ARSF: variants seen among roughly 807,000 people sequenced by gnomAD.
ARSF encodes arylsulfatase F.
ARSF carries 33 observed loss-of-function variants against 35.4 expected under a neutral mutation model. The ratio of observed to expected loss-of-function variants is 0.93; its 90% CI spans 0.71 to 1.25. The LOEUF (loss-of-function observed/expected upper bound fraction) is 1.25, where lower values mean the gene tolerates loss of function less well. Ranked by LOEUF, ARSF falls within the 50% of genes most tolerant of loss-of-function variation. ARSF has a pLI of 0.00. For missense variants in ARSF, 501 were observed against 480.2 expected (o/e 1.04, Z -0.40); for synonymous variants, 222 against 193.1 (o/e 1.15, Z -1.24).
At chrX:3,062,327 C>T (rs1209604410) in intron 1 of ARSF, among the ~76,000 whole-genome samples, 1 of 111,973 alleles carries the variant, frequency 8.9e-6, no homozygotes, top group African/African-American at 3.2e-5. Context: ...ATTTATAGCA[C>T]TAAATGCCCA....
chrX:3,082,250 T>A (rs1200017960), intron 5 of ARSF, among the ~76,000 whole-genome samples: 3 of 111,689 alleles, frequency 2.7e-5, no homozygotes, highest in Non-Finnish European at 5.7e-5. Context: ...CCCCTAGGAT[T>A]TGCAGTCAGC....
At chrX:3,076,451 G>C (rs1442695310) in intron 3 of ARSF, 97 bp from the exon 4 acceptor site, 1 of 1,001,658 alleles carries the variant, frequency 1.0e-6, no homozygotes, top group Non-Finnish European at 1.3e-6. Context: ...GTGCCTTTCT[G>C]TTTGTCCTTC....
intron 10 of ARSF, 115 bp from the exon 11 acceptor site, chrX:3,112,059 C>G (rs1354949711): frequency 2.1e-5 from 12 of 561,525 alleles, no homozygotes; most frequent in Non-Finnish European, 3.1e-5. Context: ...AGGCCACGAA[C>G]AGGTACCAGT....
Position 3,089,635 on chromosome X carries a change from A to G in ARSF, c.967+3A>G, listed in dbSNP as rs1196221062. 8.3e-7 allele frequency: 1 copy of G among 1,210,290 alleles called. No individual in the cohort carries two copies. Reference sequence around the variant, plus strand: ...GGAAGAGATGGACTCCATGGTGGGTAAGTCACAGGACTTAAGTGGACAGAA... The same window carrying G: ...GGAAGAGATGGACTCCATGGTGGGTGAGTCACAGGACTTAAGTGGACAGAA... On this transcript the variant is annotated splice_donor_region_variant and intron_variant, in intron 7 of 10. Transcript: ENST00000381127.
intron 2 of ARSF, among the ~76,000 whole-genome samples, chrX:3,071,594 A>G (rs1475218779): frequency 4.5e-5 from 5 of 110,542 alleles, no homozygotes; most frequent in Non-Finnish European, 9.5e-5. Context: ...GTGAGCCACC[A>G]CACCCGGCCG....
At chrX:3,093,063 G>T (rs930346024) in intron 7 of ARSF, among the ~76,000 whole-genome samples, 1 of 110,421 alleles carries the variant, frequency 9.1e-6, no homozygotes, top group East Asian at 2.8e-4. Flanking sequence ...CTACTCGGGA[G>T]GCTGAGGCAG....
chrX:3,098,341 A>G (rs1366798293), intron 7 of ARSF, among the ~76,000 whole-genome samples: 1 of 104,890 alleles, frequency 9.5e-6, no homozygotes, highest in African/African-American at 3.5e-5. Context: ...CCGTTCATAC[A>G]ATATCAACCC....
rs762538675 is a variant in ARSF, at chrX:3,098,820, T to C, written c.968-2267T>C. Among the ~76,000 whole-genome samples, 5 of 111,369 alleles carry C rather than the reference T, an allele frequency of 4.5e-5. No homozygotes were observed. The South Asian group carries it at 1.5e-3, about 34-fold the overall frequency. On this transcript the variant is annotated intron_variant, in intron 7 of 10. Transcript: ENST00000381127. Reference sequence around the variant, plus strand: ...AATTGGTGGTCTTTATTTTCCTCCTTATAATTTTCTTTATTTTTTTGTATT... The same window carrying C: ...AATTGGTGGTCTTTATTTTCCTCCTCATAATTTTCTTTATTTTTTTGTATT...
chrX:3,103,090 C>A (rs1293791513), intron 8 of ARSF, among the ~76,000 whole-genome samples: 2 of 111,128 alleles, frequency 1.8e-5, no homozygotes, highest in Non-Finnish European at 3.8e-5. Context: ...TGCTTTTATT[C>A]TCAATAATAC....
intron 7 of ARSF, among the ~76,000 whole-genome samples, chrX:3,095,467 ATATAT>A (rs1252143919): frequency 9.2e-6 from 1 of 108,274 alleles, no homozygotes; most frequent in African/African-American, 3.3e-5. Context: ...TTAGATTTTA[ATATAT>A]TATATGGTTC....
chrX:3,056,925 C>T (rs767485124), intron 1 of ARSF, among the ~76,000 whole-genome samples: 2 of 111,189 alleles, frequency 1.8e-5, no homozygotes, highest in African/African-American at 3.3e-5. Flanking sequence ...TTAATAGCCA[C>T]GACTGACACT....
intron 2 of ARSF, among the ~76,000 whole-genome samples, chrX:3,070,501 C>T (rs1051997633): frequency 9.0e-5 from 10 of 111,193 alleles, no homozygotes; most frequent in African/African-American, 3.3e-4. Context: ...GGAGTCTTAT[C>T]GTCTCCGTCC....
intron 6 of ARSF, among the ~76,000 whole-genome samples, chrX:3,086,835 A>G (rs1002040229): frequency 1.2e-4 from 13 of 111,258 alleles, no homozygotes; most frequent in African/African-American, 4.2e-4. Flanking sequence ...AAAAAAAATT[A>G]CCACAAATGT....
chrX:3,041,430 A>T (rs2089954837), upstream of ARSF: 1 of 107,972 alleles, frequency 9.3e-6, no homozygotes, highest in Non-Finnish European at 1.9e-5. Context: ...AGCTGGGATT[A>T]CAGACGTGCG....
At chrX:3,047,540 G>A (rs780140794) in intron 1 of ARSF, among the ~76,000 whole-genome samples, 4 of 110,786 alleles carry the variant, frequency 3.6e-5, no homozygotes, top group Admixed American at 9.7e-5. Context: ...TGCAGGGCCC[G>A]CAGCTCACTC....
At chrX:3,040,480 A>G (rs998486777), upstream of ARSF, among the ~76,000 whole-genome samples, 15 of 111,372 alleles carry the variant, frequency 1.3e-4, no homozygotes, top group African/African-American at 4.6e-4. Context: ...GGTGCATTCT[A>G]AATGGTCTTC....
At chrX:3,077,789 T>TTTTTTATTATTATTATTA (rs1555919570) in intron 4 of ARSF, among the ~76,000 whole-genome samples, 10 of 92,225 alleles carry the variant, frequency 1.1e-4, no homozygotes, top group Non-Finnish European at 1.9e-4. Flanking sequence ...TTTTATTTTA[T>TTTTTTATTATTATTATTA]TTATTATTAT....
At chrX:3,097,255 C>T (rs1417766550) in intron 7 of ARSF, among the ~76,000 whole-genome samples, 1 of 111,398 alleles carries the variant, frequency 9.0e-6, no homozygotes, top group East Asian at 2.8e-4. Flanking sequence ...TTGAGTGAAA[C>T]AAAACAAAAA....
At chrX:3,063,867 G>A (rs1038121048) in intron 1 of ARSF, among the ~76,000 whole-genome samples, 40 of 111,767 alleles carry the variant, frequency 3.6e-4, no homozygotes, top group African/African-American at 1.1e-3. Flanking sequence ...TTGTGAAAAT[G>A]GCCATACTGC....
Sources: allele counts gnomAD v4.1 joint callset (sites outside exome capture counted in the v4.1 genomes callset), GRCh38; gene constraint gnomAD v4.1.1; transcripts MANE v1.5; gene names NCBI Gene and HGNC (gene_info 2026-07-23, HGNC 2026-07-21).